Variants in DYNC2H1 observed in about 807,000 individuals in gnomAD.
The protein encoded by DYNC2H1 is dynein cytoplasmic 2 heavy chain 1.
A neutral mutation model predicts 570.0 loss-of-function variants in DYNC2H1; 410 were observed. That is an observed-to-expected ratio of 0.72 (90% CI 0.66 to 0.78). DYNC2H1 has a LOEUF of 0.78. DYNC2H1 is among the 30% of genes least tolerant of loss of function. The pLI is 0.00. For synonymous variants in DYNC2H1, 1,688 were observed against 1,677.6 expected, an observed-to-expected ratio of 1.01 and a Z score of -0.15; for missense variants, 4,865 against 5,046.4, an observed-to-expected ratio of 0.96 and a Z score of 1.09.
chr11:103,468,596 G>T lies in DYNC2H1; in HGVS notation c.12656G>T (p.Gly4219Val). The change falls in exon 88 of 89, where the codon GGC becomes GTC. Residue 4219 changes from glycine (G) to valine (V), a missense_variant. Around this residue, in one of 5 missense-constraint regions of DYNC2H1, gnomAD observed 2,401 missense variants for 2,454.6 expected, o/e 0.98. Coordinates refer to ENST00000375735, the MANE Select transcript of DYNC2H1 (RefSeq NM_001377.3). ...TATTTGTTTCCATGGCAGATCAGTG[G>T]CTTGTTACTAGAAGGATGTAGTTTT... ...QEAKLQIKIS[G>V]LLLEGCSFDG... The T allele has an allele frequency of 6.2e-7, 1 of 1,612,644 alleles. No homozygotes were observed. The highest frequency in any genetic ancestry group is 8.5e-7 in the Non-Finnish European group (1 of 1,179,052).
chr11:103,267,012 G>A (rs2135294979), intron 70 of DYNC2H1, among the ~76,000 whole-genome samples: 1 of 152,262 alleles, frequency 6.6e-6, no homozygotes, highest in South Asian at 2.1e-4. Flanking sequence ...AACCCCCTGG[G>A]CTCCACATCA....
chr11:103,297,381 T>C (rs1028181570), intron 75 of DYNC2H1, among the ~76,000 whole-genome samples: 1 of 152,174 alleles, frequency 6.6e-6, no homozygotes, highest in Non-Finnish European at 1.5e-5. Flanking sequence ...TTAACAGTGT[T>C]TAACAAAAGT....
At chr11:103,146,222 A>G (rs1860232684) in intron 18 of DYNC2H1, among the ~76,000 whole-genome samples, 1 of 152,242 alleles carries the variant, frequency 6.6e-6, no homozygotes, top group African/African-American at 2.4e-5. Context: ...ATTAAAACAT[A>G]TAATTTGCCT....
intron 78 of DYNC2H1, among the ~76,000 whole-genome samples, chr11:103,309,166 C>CTCTTTTTTTTTTTTTTTTTT (rs1274431520): frequency 3.5e-5 from 2 of 56,538 alleles, no homozygotes; most frequent in Non-Finnish European, 7.9e-5. Flanking sequence ...TAACTGCATG[C>CTCTTTTTTTTTTTTTTTTTT]TATTTTTTTT....
chr11:103,362,586 A>G lies in DYNC2H1; in HGVS notation c.12156+4227A>G, dbSNP rs148227419. On this transcript the variant is annotated intron_variant, in intron 83 of 88. Coordinates refer to ENST00000375735, the MANE Select transcript of DYNC2H1 (RefSeq NM_001377.3). ...CAGATATTCCTTTTAGCTCTTCTCAATGTCACATTTCAAACCAATTCAATT... is the reference window on the plus strand; with the variant it reads ...CAGATATTCCTTTTAGCTCTTCTCAGTGTCACATTTCAAACCAATTCAATT... Among the ~76,000 whole-genome samples the G allele has an allele frequency of 3.8e-3, 585 of 152,158 alleles. 5 individuals carry two copies. The highest frequency in any genetic ancestry group is 0.013 in the African/African-American group (559 of 41,544).
chr11:103,356,239 G>A (rs1208139629), intron 82 of DYNC2H1, among the ~76,000 whole-genome samples: 1 of 152,024 alleles, frequency 6.6e-6, no homozygotes, highest in East Asian at 1.9e-4. Flanking sequence ...AATATATGTG[G>A]TAGATTTTAT....
chr11:103,431,537 A>T (rs1382948483), intron 84 of DYNC2H1, among the ~76,000 whole-genome samples: 1 of 152,080 alleles, frequency 6.6e-6, no homozygotes, highest in East Asian at 1.9e-4. Flanking sequence ...GTTGGTGCAA[A>T]AGTAATTGCA....
In DYNC2H1 at chr11:103,170,945, G is replaced by A; in HGVS notation, c.5211G>A (p.Trp1737Ter). 1 of 1,606,548 alleles carries A rather than the reference G, an allele frequency of 6.2e-7. No individual in the cohort carries two copies. Among genetic ancestry groups the A allele is most frequent in the South Asian group, 1.1e-5 (1 of 89,894 alleles). ...TTGGTTTGGTGAAGTGTGGGGCCTGGGGTTGTTTTGATGAATTTAATAGGC... is the reference window on the plus strand; with the variant it reads ...TTGGTTTGGTGAAGTGTGGGGCCTGAGGTTGTTTTGATGAATTTAATAGGC... Reference protein sequence around the residue: ...IFVGLVKCGAWGCFDEFNRLE... With the variant: ...IFVGLVKCGA The change falls in exon 34 of 89, where the codon TGG becomes TGA. Residue 1737 changes from tryptophan (W) to a stop codon, truncating the protein, a stop_gained. Transcript: ENST00000375735. LOFTEE classifies it high-confidence loss of function. This position sits in a 1 kb window ranked among gnomAD's most constrained non-coding sequence, Gnocchi z 4.8.
chr11:103,273,490 C>T (rs1865788482), intron 70 of DYNC2H1, among the ~76,000 whole-genome samples: 1 of 152,160 alleles, frequency 6.6e-6, no homozygotes. Flanking sequence ...CACCCAGCCC[C>T]TTAATTTTTT....
chr11:103,195,385 A>G (rs1019831777), intron 47 of DYNC2H1, among the ~76,000 whole-genome samples: 1 of 152,156 alleles, frequency 6.6e-6, no homozygotes, highest in African/African-American at 2.4e-5. Context: ...CTGCCTATGG[A>G]TGTTTATTTA....
At chr11:103,130,653 T>C (rs1213433964) in intron 13 of DYNC2H1, among the ~76,000 whole-genome samples, 1 of 150,710 alleles carries the variant, frequency 6.6e-6, no homozygotes, top group East Asian at 1.9e-4. Flanking sequence ...TTTTAAAAAA[T>C]GTATGCATAG....
At chr11:103,236,631 G>T in intron 63 of DYNC2H1, 92 bp downstream of exon 63, 1 of 636,512 alleles carries the variant, frequency 1.6e-6, no homozygotes, top group Non-Finnish European at 2.6e-6. Flanking sequence ...GTCTTTCACA[G>T]TTACCCTTTT....
chr11:103,137,224 A>G (rs1431095589), intron 17 of DYNC2H1, among the ~76,000 whole-genome samples: 1 of 148,550 alleles, frequency 6.7e-6, no homozygotes, highest in Non-Finnish European at 1.5e-5. Context: ...GAAGCTCTTT[A>G]GTTGAATTAG....
At chr11:103,279,886 A>G (rs1866062561) in intron 70 of DYNC2H1, among the ~76,000 whole-genome samples, 2 of 152,180 alleles carry the variant, frequency 1.3e-5, no homozygotes, top group African/African-American at 4.8e-5. Flanking sequence ...AGAGTTCACT[A>G]CAGTTTCCTG....
intron 83 of DYNC2H1, among the ~76,000 whole-genome samples, chr11:103,365,084 G>A (rs915013363): frequency 1.3e-5 from 2 of 152,164 alleles, no homozygotes; most frequent in African/African-American, 4.8e-5. Context: ...TTGGTGCCCA[G>A]GTGCGGTGGC....
intron 79 of DYNC2H1, among the ~76,000 whole-genome samples, chr11:103,315,820 T>TG (rs1937794321): frequency 6.6e-6 from 1 of 152,092 alleles, no homozygotes; most frequent in South Asian, 2.1e-4. Flanking sequence ...ATAATTTTTT[T>TG]GTTCATTCTT....
At chr11:103,448,728 C>T (rs1488513819) in intron 85 of DYNC2H1, among the ~76,000 whole-genome samples, 1 of 152,056 alleles carries the variant, frequency 6.6e-6, no homozygotes, top group African/African-American at 2.4e-5. Flanking sequence ...TTCTCAAAGC[C>T]AGTACTTACC....
At chr11:103,368,964 A>G (rs1404745204) in intron 83 of DYNC2H1, among the ~76,000 whole-genome samples, 1 of 152,156 alleles carries the variant, frequency 6.6e-6, no homozygotes, top group Non-Finnish European at 1.5e-5. Context: ...CAAGGATACC[A>G]ATTTAACTAT....
chr11:103,184,737 A>G (rs1248681521), intron 40 of DYNC2H1, among the ~76,000 whole-genome samples, 159 bp from the exon 41 acceptor site: 6 of 151,982 alleles, frequency 3.9e-5, no homozygotes, highest in East Asian at 3.8e-4. Context: ...CAAAGTATAT[A>G]TAAAAATTGA....
Sources: allele counts gnomAD v4.1 joint callset (sites outside exome capture counted in the v4.1 genomes callset), GRCh38; gene constraint gnomAD v4.1.1; regional missense constraint gnomAD v4.1.1; non-coding constraint Gnocchi (gnomAD v3.1); transcripts MANE v1.5; gene names NCBI Gene and HGNC (gene_info 2026-07-23, HGNC 2026-07-21).